TNFRSF1B: variants seen among roughly 807,000 people sequenced by gnomAD.
TNFRSF1B encodes the protein TNF receptor superfamily member 1B.
A neutral mutation model predicts 44.6 loss-of-function variants in TNFRSF1B; 19 were observed. That is an observed-to-expected ratio of 0.43 (90% CI 0.30 to 0.62). TNFRSF1B has a LOEUF of 0.62. Among genes scored for constraint, TNFRSF1B ranks in the 20% least tolerant of loss-of-function variants. The pLI is 0.16. For synonymous variants in TNFRSF1B, 252 were observed against 261.1 expected (o/e 0.97, Z 0.34); for missense variants, 541 against 619.9 (o/e 0.87, Z 1.35).
At chr1:12,170,516 A>T (rs1272153510) in intron 1 of TNFRSF1B, among the ~76,000 whole-genome samples, 1 of 152,180 alleles carries the variant, frequency 6.6e-6, no homozygotes, top group African/African-American at 2.4e-5. Context: ...TCCCCGTAGC[A>T]CTGTCCCTCC....
In TNFRSF1B at chr1:12,176,978, C is replaced by T. The variant is rs529482876; in HGVS notation, c.78+9809C>T. 2.1e-5 allele frequency among the ~76,000 whole-genome samples: 3 copies of T among 141,382 alleles called. No homozygotes were observed. The East Asian group carries it at 6.0e-4, about 28-fold the overall frequency. 92.8% of individuals were successfully genotyped at this position (141,382 alleles called of 152,430 possible). A position where few individuals can be genotyped will look rare whatever the true frequency, so the allele number is the denominator to read the frequency against. On this transcript the variant is annotated intron_variant, in intron 1 of 9. Transcript: ENST00000376259. ...TGGCCTTAGCTCTGCCTGTCCTGAGCCCTGAGCCCTGAGCCCAATGGACCG... is the reference window on the plus strand; with the variant it reads ...TGGCCTTAGCTCTGCCTGTCCTGAGTCCTGAGCCCTGAGCCCAATGGACCG...
At chr1:12,176,498 G>A (rs965502473) in intron 1 of TNFRSF1B, among the ~76,000 whole-genome samples, 1 of 152,188 alleles carries the variant, frequency 6.6e-6, no homozygotes, top group African/African-American at 2.4e-5. Flanking sequence ...TTCTACAGAT[G>A]AAAAGACTGA....
At chr1:12,189,659 C>T (rs1639067248) in intron 2 of TNFRSF1B, among the ~76,000 whole-genome samples, 1 of 152,164 alleles carries the variant, frequency 6.6e-6, no homozygotes, top group Non-Finnish European at 1.5e-5. Context: ...CCCTTGCCCT[C>T]GTGGAGTCTG....
intron 1 of TNFRSF1B, 99 bp from the exon 2 acceptor site, chr1:12,188,697 G>A: frequency 8.9e-7 from 1 of 1,118,048 alleles, no homozygotes; most frequent in Non-Finnish European, 1.3e-6. Context: ...AGACTGGCAG[G>A]GGGAGGGCCA....
At chr1:12,184,628 G>A (rs986527147) in intron 1 of TNFRSF1B, among the ~76,000 whole-genome samples, 2 of 152,228 alleles carry the variant, frequency 1.3e-5, no homozygotes, top group East Asian at 1.9e-4. Context: ...GCTGCCTGCC[G>A]TTAGTGGCCA....
Position 12,178,801 on chromosome 1 carries a change from G to A in TNFRSF1B, c.79-9995G>A, listed in dbSNP as rs1269386111. Among the ~76,000 whole-genome samples, 1 of 152,142 alleles carries A rather than the reference G, an allele frequency of 6.6e-6. No individual in the cohort carries two copies. Among genetic ancestry groups the A allele is most frequent in the African/African-American group, 2.4e-5 (1 of 41,406 alleles). Reference sequence around the variant, plus strand: ...AACAGGTGAGTGATGAATACAGGTGGGAGATGCTGGCAGGGGCTAAGGAGG... The same window carrying A: ...AACAGGTGAGTGATGAATACAGGTGAGAGATGCTGGCAGGGGCTAAGGAGG... On this transcript the variant is annotated intron_variant, in intron 1 of 9. Transcript: ENST00000376259. This position sits in a 1 kb window ranked among gnomAD's most constrained non-coding sequence, Gnocchi z 4.3.
chr1:12,190,868 G>A (rs1639100912), intron 2 of TNFRSF1B, 89 bp from the exon 3 acceptor site: 5 of 1,506,382 alleles, frequency 3.3e-6, no homozygotes, highest in African/African-American at 1.4e-5. Context: ...CTGGGCTTTA[G>A]AACTCTGGAC....
intron 1 of TNFRSF1B, 122 bp from the exon 2 acceptor site, chr1:12,188,674 C>A: frequency 2.3e-6 from 2 of 878,262 alleles, no homozygotes; most frequent in South Asian, 1.6e-5. Flanking sequence ...ACCTCCCCAG[C>A]CATCATCAGT....
At chr1:12,181,768 C>T (rs1638813833) in intron 1 of TNFRSF1B, among the ~76,000 whole-genome samples, 1 of 152,196 alleles carries the variant, frequency 6.6e-6, no homozygotes, top group Non-Finnish European at 1.5e-5. Flanking sequence ...CCACCCTCTG[C>T]TCTCTCCAGA....
In TNFRSF1B at chr1:12,169,366, T is replaced by C. The variant is rs889605164; in HGVS notation, c.78+2197T>C. On this transcript the variant is annotated intron_variant, in intron 1 of 9. Transcript: ENST00000376259. The surrounding 1 kb of genome is among the most constrained non-coding windows in gnomAD (Gnocchi z 4.5). ...TAGGTACTTTGTCACAAAATTTCAC[T>C]GAAACCTCCCTTACAGCAACTCCCA... 6.6e-6 allele frequency among the ~76,000 whole-genome samples: 1 copy of C among 152,128 alleles called. No individual in the cohort carries two copies. The highest frequency in any genetic ancestry group is 1.5e-5 in the Non-Finnish European group (1 of 68,018).
intron 2 of TNFRSF1B, among the ~76,000 whole-genome samples, chr1:12,189,705 G>T (rs1256832923): frequency 6.6e-6 from 1 of 152,236 alleles, no homozygotes; most frequent in African/African-American, 2.4e-5. Context: ...TACATTAGGA[G>T]ATGTGTGGTC....
intron 7 of TNFRSF1B, 75 bp downstream of exon 7, chr1:12,194,107 C>A: frequency 1.7e-6 from 2 of 1,206,688 alleles, no homozygotes; most frequent in Non-Finnish European, 2.5e-6. Flanking sequence ...GAGTCCAGCA[C>A]TGGGCACAGC....
In TNFRSF1B at chr1:12,169,438, G is replaced by A. The variant is rs1028864090; in HGVS notation, c.78+2269G>A. Among the ~76,000 whole-genome samples, 10 of 152,136 alleles carry A rather than the reference G, an allele frequency of 6.6e-5. No individual in the cohort carries two copies. The highest frequency in any genetic ancestry group is 2.1e-4 in the South Asian group (1 of 4,828). ...TCTTTAGAGATGTGGAAACTGAGGCGTTTCCCAGGATCACAGAGCTGGGGG... is the reference window on the plus strand; with the variant it reads ...TCTTTAGAGATGTGGAAACTGAGGCATTTCCCAGGATCACAGAGCTGGGGG... On this transcript the variant is annotated intron_variant, in intron 1 of 9. Coordinates refer to ENST00000376259, the MANE Select transcript of TNFRSF1B (RefSeq NM_001066.3). The surrounding 1 kb of genome is among the most constrained non-coding windows in gnomAD (Gnocchi z 4.5).
At chr1:12,189,321 G>T (rs895315967) in intron 2 of TNFRSF1B, among the ~76,000 whole-genome samples, 3 of 152,238 alleles carry the variant, frequency 2.0e-5, no homozygotes, top group Non-Finnish European at 1.5e-5. Context: ...CTCTTTCCTT[G>T]CTGTGGGATT....
chr1:12,177,287 G>A lies in TNFRSF1B; in HGVS notation c.78+10118G>A, dbSNP rs373551468. 1.5e-3 allele frequency among the ~76,000 whole-genome samples: 228 copies of A among 152,262 alleles called. 1 individual carries two copies. The highest frequency in any genetic ancestry group is 5.3e-3 in the African/African-American group (219 of 41,554). The stretch of plus-strand genomic sequence containing the variant: ...CTCCCAGAGTGCTGGGATTACAGGC[G>A]GGAGCCACCGTGCCCGGCCCCAGTG... On this transcript the variant is annotated intron_variant, in intron 1 of 9. Transcript: ENST00000376259. The surrounding 1 kb of genome is among the most constrained non-coding windows in gnomAD (Gnocchi z 4.3).
At position 12,199,638 on chromosome 1, in the gene TNFRSF1B, A is replaced by G. The variant is rs1400324830; in HGVS notation, c.901-2329A>G. 6.6e-6 allele frequency among the ~76,000 whole-genome samples: 1 copy of G among 152,090 alleles called. No homozygotes were observed. The highest frequency in any genetic ancestry group is 1.5e-5 in the Non-Finnish European group (1 of 68,014). On this transcript the variant is annotated intron_variant, in intron 8 of 9. Transcript: ENST00000376259. The surrounding 1 kb of genome is among the most constrained non-coding windows in gnomAD (Gnocchi z 4.0). ...GGACAGAGAGGACCCTGGTACTCGCATCTGTTCTCAGACCACATCTGGAAT... is the reference window on the plus strand; with the variant it reads ...GGACAGAGAGGACCCTGGTACTCGCGTCTGTTCTCAGACCACATCTGGAAT...
intron 9 of TNFRSF1B, among the ~76,000 whole-genome samples, chr1:12,205,395 G>A (rs1639480181): frequency 6.6e-6 from 1 of 152,114 alleles, no homozygotes; most frequent in African/African-American, 2.4e-5. Context: ...GATCAGACAG[G>A]GCCTGGTAGG....
intron 1 of TNFRSF1B, among the ~76,000 whole-genome samples, chr1:12,182,140 G>T (rs114090926): frequency 0.025 from 3,846 of 152,314 alleles, 59 homozygotes; most frequent in Non-Finnish European, 0.036. Flanking sequence ...AGGTGAGGAG[G>T]CCTCTTTGAG....
At chr1:12,196,318 A>AAAAT (rs1639264014) in intron 8 of TNFRSF1B, among the ~76,000 whole-genome samples, 1 of 152,188 alleles carries the variant, frequency 6.6e-6, no homozygotes, top group Non-Finnish European at 1.5e-5. Flanking sequence ...AAAATAAAAT[A>AAAAT]AAATAAATAA....
Sources: gnomAD v4.1 joint callset for allele counts (sites outside exome capture counted in the v4.1 genomes callset) on GRCh38, gnomAD v4.1.1 for gene constraint, Gnocchi (gnomAD v3.1) non-coding constraint, MANE v1.5 for transcripts, NCBI Gene and HGNC (gene_info 2026-07-23, HGNC 2026-07-21) for gene names.